The following TOX3 variants were observed in gnomAD, a reference collection of about 807,000 sequenced individuals.
TOX3 encodes the protein TOX high mobility group box family member 3.
TOX3 carries 22 observed loss-of-function variants against 64.3 expected under a neutral mutation model. The ratio of observed to expected loss-of-function variants is 0.34; its 90% CI spans 0.24 to 0.49. The LOEUF (loss-of-function observed/expected upper bound fraction) is 0.49, where lower values mean the gene tolerates loss of function less well. TOX3 is among the 20% of genes least tolerant of loss of function. The pLI, the probability that TOX3 is intolerant of heterozygous loss-of-function variation, is 0.99. For synonymous variants in TOX3, 291 were observed against 273.6 expected, an observed-to-expected ratio of 1.06 and a Z score of -0.63; for missense variants, 661 against 714.4, an observed-to-expected ratio of 0.93 and a Z score of 0.85.
intron 1 of TOX3, among the ~76,000 whole-genome samples, chr16:52,482,096 A>G (rs1215624936): frequency 6.6e-6 from 1 of 152,204 alleles, no homozygotes; most frequent in Admixed American, 6.5e-5. Flanking sequence ...CTTAAACATA[A>G]CCATAAAATA....
chr16:52,449,955 A>G (rs1000431780), intron 4 of TOX3, among the ~76,000 whole-genome samples: 2 of 152,236 alleles, frequency 1.3e-5, no homozygotes, highest in South Asian at 4.1e-4. Flanking sequence ...AATTTCTGGA[A>G]TGTCTAGAAT....
rs532961410 is a variant in TOX3, at chr16:52,490,269, C to T, written c.88-21695G>A. On this transcript the variant is annotated intron_variant, in intron 1 of 6. Coordinates refer to ENST00000219746, the MANE Select transcript of TOX3 (RefSeq NM_001080430.4). ...GAAGAAGGTCCTTGCTTCCCTTCCG[C>T]CTTCTGCCATGATTGTAAGTTTCCT... 5.9e-5 allele frequency among the ~76,000 whole-genome samples: 9 copies of T among 152,254 alleles called. No homozygotes were observed. In the South Asian group the frequency reaches 1.9e-3, roughly 32 times the overall value.
chr16:52,440,752 C>CTTTCTT (rs1959948176), intron 6 of TOX3, among the ~76,000 whole-genome samples: 1 of 66,606 alleles, frequency 1.5e-5, no homozygotes, highest in African/African-American at 4.9e-5. Flanking sequence ...TTCTTTCTTT[C>CTTTCTT]TTTTTTTTTT....
chr16:52,478,214 C>T (rs1167570901), intron 1 of TOX3, among the ~76,000 whole-genome samples: 1 of 152,190 alleles, frequency 6.6e-6, no homozygotes, highest in Non-Finnish European at 1.5e-5. Context: ...GTCCCTATAT[C>T]ATCTGGGTGC....
At chr16:52,450,861 A>AGG (rs1728063851) in intron 3 of TOX3, among the ~76,000 whole-genome samples, 3 of 145,590 alleles carry the variant, frequency 2.1e-5, no homozygotes, top group Non-Finnish European at 4.6e-5. Context: ...AGGAAGGAAA[A>AGG]AAAGAAGAAA....
At chr16:52,542,935 C>G (rs1262791076) in intron 1 of TOX3, among the ~76,000 whole-genome samples, 1 of 152,162 alleles carries the variant, frequency 6.6e-6, no homozygotes, top group African/African-American at 2.4e-5. Context: ...ATAAGAATGT[C>G]TTAATTAATC....
chr16:52,492,530 G>T (rs1200058187), intron 1 of TOX3, among the ~76,000 whole-genome samples: 1 of 124,498 alleles, frequency 8.0e-6, no homozygotes, highest in Admixed American at 9.0e-5. Context: ...TTTGAAAAAT[G>T]ACCAATAACA....
At chr16:52,484,877 A>G (rs534657821) in intron 1 of TOX3, among the ~76,000 whole-genome samples, 1 of 152,272 alleles carries the variant, frequency 6.6e-6, no homozygotes, top group South Asian at 2.1e-4. Flanking sequence ...TCAACCCAGC[A>G]ATCCCAGAAC....
chr16:52,514,207 G>A (rs543981887), intron 1 of TOX3, among the ~76,000 whole-genome samples: 1 of 152,308 alleles, frequency 6.6e-6, no homozygotes, highest in Non-Finnish European at 1.5e-5. Context: ...CTAAATAATG[G>A]AGTCAAATCC....
chr16:52,513,211 C>T (rs978216939), intron 1 of TOX3, among the ~76,000 whole-genome samples: 2 of 152,232 alleles, frequency 1.3e-5, no homozygotes, highest in Admixed American at 1.3e-4. Context: ...TGGTTCAATG[C>T]TTCTCATGCC....
intron 1 of TOX3, among the ~76,000 whole-genome samples, chr16:52,499,704 C>G (rs902346655): frequency 6.6e-6 from 1 of 152,220 alleles, no homozygotes; most frequent in African/African-American, 2.4e-5. Flanking sequence ...CCAGCATACT[C>G]TCACCTGGAC....
intron 1 of TOX3, among the ~76,000 whole-genome samples, chr16:52,478,231 C>T (rs147189346): frequency 0.011 from 1,605 of 152,308 alleles, 14 homozygotes; most frequent in Non-Finnish European, 0.016. Context: ...GTGCTGGCTC[C>T]TTCTCCAAAC....
chr16:52,493,132 G>T (rs1961742408), intron 1 of TOX3, among the ~76,000 whole-genome samples: 1 of 152,128 alleles, frequency 6.6e-6, no homozygotes, highest in Admixed American at 6.5e-5. Flanking sequence ...TAGGCACCTG[G>T]AATCGGTGAC....
rs1181736028 is a variant in TOX3 at position 52,438,593 on chromosome 16, G to A, written c.*632C>T. 5.4e-6 allele frequency: 1 copy of A among 186,384 alleles called. No individual in the cohort carries two copies. Among genetic ancestry groups the A allele is most frequent in the African/African-American group, 2.4e-5 (1 of 41,922 alleles). 11.5% of individuals were successfully genotyped at this position (186,384 alleles called of 1,614,324 possible). A position where few individuals can be genotyped will look rare whatever the true frequency, so the allele number is the denominator to read the frequency against. ...ATATACTGTGGTTTGATTTGGAGAA[G>A]TCATGGATAAAAAGTGGAAATTAGT... On this transcript the variant is annotated 3_prime_UTR_variant, in exon 7 of 7. Coordinates refer to ENST00000219746, the MANE Select transcript of TOX3 (RefSeq NM_001080430.4).
intron 1 of TOX3, among the ~76,000 whole-genome samples, chr16:52,540,011 G>A (rs918194214): frequency 2.0e-5 from 3 of 151,894 alleles, no homozygotes; most frequent in African/African-American, 7.3e-5. Context: ...TCTTGCCGGG[G>A]CCTACACCAT....
At chr16:52,495,555 G>A (rs1474840288) in intron 1 of TOX3, among the ~76,000 whole-genome samples, 2 of 152,172 alleles carry the variant, frequency 1.3e-5, no homozygotes, top group East Asian at 1.9e-4. Context: ...GGTTATAGGT[G>A]CAGACTCTCA....
intron 1 of TOX3, among the ~76,000 whole-genome samples, chr16:52,523,304 G>T (rs960771280): frequency 6.6e-6 from 1 of 152,158 alleles, no homozygotes; most frequent in Non-Finnish European, 1.5e-5. Flanking sequence ...GGGGTATGTG[G>T]TGGGAGGGAA....
rs140503560 is a variant in TOX3, at chr16:52,495,327, T to C, written c.88-26753A>G. ...ATTAAATTCATTTCGTCCCAGGATA[T>C]AGAGAACAGCCATGTGACTCTCCAC... On this transcript the variant is annotated intron_variant, in intron 1 of 6. Coordinates refer to ENST00000219746, the MANE Select transcript of TOX3 (RefSeq NM_001080430.4). Among the ~76,000 whole-genome samples, 7 of 152,300 alleles carry C rather than the reference T, an allele frequency of 4.6e-5. No homozygotes were observed. In the East Asian group the frequency reaches 9.7e-4, roughly 21 times the overall value.
At chr16:52,522,092 G>A (rs1247105070) in intron 1 of TOX3, among the ~76,000 whole-genome samples, 1 of 151,918 alleles carries the variant, frequency 6.6e-6, no homozygotes, top group Non-Finnish European at 1.5e-5. Context: ...ACTTAGAATA[G>A]TTCCTGAAAA....
Sources: gnomAD v4.1 joint callset for allele counts (sites outside exome capture counted in the v4.1 genomes callset) on GRCh38, gnomAD v4.1.1 for gene constraint, MANE v1.5 for transcripts, NCBI Gene and HGNC (gene_info 2026-07-23, HGNC 2026-07-21) for gene names.